ME3: variants seen among roughly 807,000 people sequenced by gnomAD.
ME3 encodes NADP-dependent malic enzyme, mitochondrial.
In ME3, 48 loss-of-function variants were observed where a neutral mutation model predicts 68.9. The observed-to-expected ratio is 0.70, with a 90% CI of 0.55 to 0.89. The LOEUF (loss-of-function observed/expected upper bound fraction) is 0.89. ME3 is among the 40% of genes least tolerant of loss of function. The pLI, the probability that ME3 is intolerant of heterozygous loss-of-function variation, is 0.00. For synonymous variants in ME3, 320 were observed against 318.8 expected (o/e 1.00, Z -0.04); for missense variants, 675 against 797.4 (o/e 0.85, Z 1.85).
chr11:86,593,598 T>C (rs1022925907), intron 2 of ME3, among the ~76,000 whole-genome samples: 1 of 146,528 alleles, frequency 6.8e-6, no homozygotes, highest in Admixed American at 7.3e-5. Flanking sequence ...TTGAAAGTAA[T>C]ATTACGCACA....
chr11:86,643,692 G>A (rs773451268), intron 2 of ME3, among the ~76,000 whole-genome samples: 1 of 152,056 alleles, frequency 6.6e-6, no homozygotes, highest in African/African-American at 2.4e-5. Flanking sequence ...CTATTATACT[G>A]CTTTACTCTT....
At chr11:86,484,292 T>C (rs1479335366) in intron 7 of ME3, among the ~76,000 whole-genome samples, 2 of 152,062 alleles carry the variant, frequency 1.3e-5, no homozygotes, top group Non-Finnish European at 1.5e-5. Flanking sequence ...AAATACATTG[T>C]GTTTGACTTT....
chr11:86,587,785 G>A (rs1958826323), intron 2 of ME3, among the ~76,000 whole-genome samples: 1 of 152,118 alleles, frequency 6.6e-6, no homozygotes, highest in South Asian at 2.1e-4. Context: ...CATTTAAAAA[G>A]ATAACAGAAC....
chr11:86,457,950 T>C (rs1281271083), intron 8 of ME3, among the ~76,000 whole-genome samples: 1 of 152,134 alleles, frequency 6.6e-6, no homozygotes, highest in Non-Finnish European at 1.5e-5. Flanking sequence ...AACAATAGAT[T>C]ATTGGAGGAA....
Position 86,556,523 on chromosome 11 carries a change from T to G in ME3, c.467+30A>C, listed in dbSNP as rs916117863. On this transcript the variant is annotated intron_variant, in intron 4 of 14. Coordinates refer to ENST00000543262, the Ensembl canonical transcript of ME3. Reference sequence around the variant, plus strand: ...TTATTCCCCTCTATGAGGCAGCCCCTCCCAGAGCCCTCACTCCACGGGGGC... The same window carrying G: ...TTATTCCCCTCTATGAGGCAGCCCCGCCCAGAGCCCTCACTCCACGGGGGC... 4 of 1,604,542 alleles carry G rather than the reference T, an allele frequency of 2.5e-6. No homozygotes were observed. The African/African-American group carries it at 4.0e-5, about 16-fold the overall frequency.
At chr11:86,507,340 A>G (rs1367695420) in intron 5 of ME3, among the ~76,000 whole-genome samples, 3 of 152,174 alleles carry the variant, frequency 2.0e-5, no homozygotes. Context: ...ATATGGGCCC[A>G]TATACCTTCT....
At chr11:86,633,947 C>T (rs555484000) in intron 2 of ME3, among the ~76,000 whole-genome samples, 30 of 152,290 alleles carry the variant, frequency 2.0e-4, no homozygotes, top group East Asian at 9.7e-4. Flanking sequence ...TCTGCCATGA[C>T]GGTGCCTTTG....
At chr11:86,650,392 G>A (rs191945119) in intron 2 of ME3, among the ~76,000 whole-genome samples, 11 of 152,266 alleles carry the variant, frequency 7.2e-5, no homozygotes, top group African/African-American at 2.2e-4. Flanking sequence ...CAGTACATAC[G>A]TATGGGCAAA....
chr11:86,652,156 T>C (rs898524109), intron 2 of ME3, among the ~76,000 whole-genome samples: 3 of 152,194 alleles, frequency 2.0e-5, no homozygotes, highest in Admixed American at 6.5e-5. Context: ...TGGAACCAAG[T>C]TGGAAAACAC....
intron 2 of ME3, among the ~76,000 whole-genome samples, chr11:86,620,184 A>C (rs115476635): frequency 2.0e-3 from 300 of 152,342 alleles, no homozygotes; most frequent in African/African-American, 7.1e-3. Flanking sequence ...ACTGAAGTGT[A>C]TGACATATAT....
At chr11:86,658,396 T>C (rs1946058708) in intron 2 of ME3, among the ~76,000 whole-genome samples, 1 of 152,010 alleles carries the variant, frequency 6.6e-6, no homozygotes, top group African/African-American at 2.4e-5. Context: ...ATGCTGGGAT[T>C]ATAGGTGTGA....
chr11:86,671,619 C>T, intron 2 of ME3, 143 bp downstream of exon 2: 5 of 990,546 alleles, frequency 5.0e-6, no homozygotes, highest in Non-Finnish European at 7.3e-6. Flanking sequence ...CAAACCAAGT[C>T]ACAACAAGCC....
intron 4 of ME3, among the ~76,000 whole-genome samples, chr11:86,514,386 G>A (rs1169840272): frequency 6.6e-6 from 1 of 152,144 alleles, no homozygotes. Context: ...GTGGCTTCAG[G>A]AAGAATATTT....
chr11:86,544,712 C>T (rs1023449088), intron 4 of ME3, among the ~76,000 whole-genome samples: 6 of 152,108 alleles, frequency 3.9e-5, no homozygotes, highest in African/African-American at 9.7e-5. Context: ...GATTCATAGC[C>T]GAATTCTACT....
chr11:86,498,113 C>A, exon 6 of ME3: 1 of 1,611,078 alleles, frequency 6.2e-7, no homozygotes, highest in Non-Finnish European at 8.5e-7. Context: ...CCCCATCAGT[C>A]ACCACCACGG....
intron 4 of ME3, among the ~76,000 whole-genome samples, chr11:86,527,484 G>A (rs1477222444): frequency 6.6e-6 from 1 of 152,142 alleles, no homozygotes; most frequent in Non-Finnish European, 1.5e-5. Context: ...AGTCAGGAAG[G>A]TCAACATTCA....
At chr11:86,670,292 C>T (rs1946839087) in intron 2 of ME3, among the ~76,000 whole-genome samples, 2 of 152,166 alleles carry the variant, frequency 1.3e-5, no homozygotes, top group African/African-American at 2.4e-5. Context: ...GTGGCAATAA[C>T]GAAGTGAGAG....
rs372135325 is a variant in ME3, at chr11:86,615,241, G to A, written c.184-55418C>T. Among the ~76,000 whole-genome samples the A allele has an allele frequency of 6.2e-4, 95 of 152,208 alleles. 4 individuals carry two copies. In the South Asian group the frequency reaches 0.019, roughly 31 times the overall value. On this transcript the variant is annotated intron_variant, in intron 2 of 14. Coordinates refer to ENST00000543262, the Ensembl canonical transcript of ME3. ...AGAAGCTGTAGCCTCTGGATAATTG[G>A]AATTATGGAATTTTTGAGTTGGAGG... is the stretch of plus-strand genomic sequence containing the variant.
At chr11:86,663,688 G>T (rs1298069982) in intron 2 of ME3, among the ~76,000 whole-genome samples, 1 of 152,068 alleles carries the variant, frequency 6.6e-6, no homozygotes, top group Non-Finnish European at 1.5e-5. Flanking sequence ...CTGACATTTG[G>T]AAAGAAAAGA....
Sources: allele counts gnomAD v4.1 joint callset (sites outside exome capture counted in the v4.1 genomes callset), GRCh38; gene constraint gnomAD v4.1.1; transcripts MANE v1.5; gene names NCBI Gene and HGNC (gene_info 2026-07-23, HGNC 2026-07-21).